PTPRN2: variants seen among roughly 807,000 people sequenced by gnomAD.
PTPRN2 encodes the protein protein tyrosine phosphatase receptor type N2.
A neutral mutation model predicts 118.8 loss-of-function variants in PTPRN2; 74 were observed. The ratio of observed to expected loss-of-function variants is 0.62; its 90% confidence interval spans 0.52 to 0.76. PTPRN2 has a LOEUF of 0.76. Ranked by LOEUF, PTPRN2 falls within the 30% of genes least tolerant of loss-of-function variation. The pLI, the probability that PTPRN2 is intolerant of heterozygous loss-of-function variation, is 0.00. For missense variants in PTPRN2, 1,481 were observed against 1,394.4 expected (o/e 1.06, Z -0.99); for synonymous variants, 641 against 608.0 (o/e 1.05, Z -0.80).
intron 3 of PTPRN2, among the ~76,000 whole-genome samples, chr7:158,295,257 T>C (rs12698202): frequency 0.15 from 459 of 3,118 alleles, 40 homozygotes; most frequent in Admixed American, 0.17. Context: ...CTGCGCCACT[T>C]TCCACGCGCA....
chr7:158,282,833 G>A (rs1362610878), intron 3 of PTPRN2, among the ~76,000 whole-genome samples: 3 of 144,532 alleles, frequency 2.1e-5, no homozygotes, highest in African/African-American at 5.2e-5. Flanking sequence ...CACAGCAGCC[G>A]GACACAGATG....
At chr7:158,162,867 C>T (rs1822488674) in intron 6 of PTPRN2, among the ~76,000 whole-genome samples, 1 of 152,210 alleles carries the variant, frequency 6.6e-6, no homozygotes, top group African/African-American at 2.4e-5. Flanking sequence ...GGTCTTCTCT[C>T]CCACTCTCTG....
At chr7:157,656,872 T>A (rs1326640145) in intron 13 of PTPRN2, among the ~76,000 whole-genome samples, 12 of 116,512 alleles carry the variant, frequency 1.0e-4, no homozygotes, top group African/African-American at 4.1e-4. Flanking sequence ...CACACATATA[T>A]ACACACATAC....
chr7:157,595,447 G>C, intron 16 of PTPRN2, 132 bp from the exon 17 acceptor site: 2 of 771,058 alleles, frequency 2.6e-6, no homozygotes, highest in Non-Finnish European at 4.2e-6. Flanking sequence ...TAAGAAACCC[G>C]GAGGTTAGGA....
chr7:157,955,613 C>G (rs1437255241), intron 11 of PTPRN2, among the ~76,000 whole-genome samples: 1 of 152,184 alleles, frequency 6.6e-6, no homozygotes, highest in South Asian at 2.1e-4. Context: ...AAGAAATGCT[C>G]TCCAGGATCA....
intron 2 of PTPRN2, among the ~76,000 whole-genome samples, chr7:158,349,779 A>C (rs113277252): frequency 6.5e-5 from 6 of 92,300 alleles, no homozygotes; most frequent in Middle Eastern, 0.01. Flanking sequence ...ACGTCACTGC[A>C]CCCCTGGGTG....
intron 1 of PTPRN2, among the ~76,000 whole-genome samples, chr7:158,533,070 C>T (rs1825373355): frequency 6.6e-6 from 1 of 152,222 alleles, no homozygotes; most frequent in South Asian, 2.1e-4. Context: ...TTCCAAGAGA[C>T]CAGCAATTAA....
chr7:158,380,922 GC>G (rs1370951483), intron 2 of PTPRN2, among the ~76,000 whole-genome samples: 1 of 152,250 alleles, frequency 6.6e-6, no homozygotes, highest in South Asian at 2.1e-4. Context: ...CTTGGGGCTT[GC>G]CCCCCTCTGA....
intron 3 of PTPRN2, among the ~76,000 whole-genome samples, chr7:158,294,039 G>A (rs1333054159): frequency 8.5e-5 from 13 of 152,206 alleles, no homozygotes; most frequent in Admixed American, 6.5e-4. Flanking sequence ...CACATGTACC[G>A]TGCACAGCTA....
rs967865469 is a variant in PTPRN2, at chr7:157,855,115, G to C, written c.1788+43558C>G. The stretch of plus-strand genomic sequence containing the variant: ...GCAGGGATGTGTGTGGGGCCGGATC[G>C]GGGAGGATGGCTGCACGGTTGCAGG... On this transcript the variant is annotated intron_variant, in intron 12 of 22. Coordinates refer to ENST00000389418, the MANE Select transcript of PTPRN2 (RefSeq NM_002847.5). 9.9e-5 allele frequency among the ~76,000 whole-genome samples: 15 copies of C among 151,116 alleles called. No homozygotes were observed. In the South Asian group the frequency reaches 3.2e-3, roughly 32 times the overall value.
chr7:158,234,053 T>C (rs1442222624), intron 3 of PTPRN2, among the ~76,000 whole-genome samples: 3 of 152,112 alleles, frequency 2.0e-5, no homozygotes, highest in Non-Finnish European at 4.4e-5. Context: ...TCCAGGACAT[T>C]GATCAGGGCA....
intron 2 of PTPRN2, among the ~76,000 whole-genome samples, chr7:158,336,815 A>T (rs1200011037): frequency 1.0e-5 from 1 of 98,814 alleles, no homozygotes; most frequent in East Asian, 3.4e-4. Flanking sequence ...CTCTCACCAT[A>T]AGAAGTGACA....
At position 158,100,003 on chromosome 7, in the gene PTPRN2, G is replaced by A. The variant is rs116175837; in HGVS notation, c.1643+10826C>T. Among the ~76,000 whole-genome samples the A allele has an allele frequency of 6.9e-3, 1,048 of 151,496 alleles. 12 individuals carry two copies. Among genetic ancestry groups the A allele is most frequent in the Middle Eastern group, 0.017 (5 of 292 alleles). ...GAGTTACATGAGTAAGTTCTCTAATGGTGATGTGTGAGATTTTGGTGCACC... is the reference window on the plus strand; with the variant it reads ...GAGTTACATGAGTAAGTTCTCTAATAGTGATGTGTGAGATTTTGGTGCACC... On this transcript the variant is annotated intron_variant, in intron 10 of 22. Coordinates refer to ENST00000389418, the MANE Select transcript of PTPRN2 (RefSeq NM_002847.5).
At chr7:157,684,667 A>T (rs1797085749) in intron 12 of PTPRN2, among the ~76,000 whole-genome samples, 1 of 135,822 alleles carries the variant, frequency 7.4e-6, no homozygotes, top group East Asian at 2.6e-4. Flanking sequence ...CGCGCGACCC[A>T]GCCCCAGAGT....
chr7:157,894,213 G>A (rs1796975929), intron 12 of PTPRN2, among the ~76,000 whole-genome samples: 1 of 152,244 alleles, frequency 6.6e-6, no homozygotes, highest in Admixed American at 6.5e-5. Flanking sequence ...AAAGCCGAGA[G>A]CACAGGAAGA....
chr7:157,634,097 G>C lies in PTPRN2; in HGVS notation c.2197-12588C>G, dbSNP rs543702130. On this transcript the variant is annotated intron_variant, in intron 14 of 22. Coordinates refer to ENST00000389418, the MANE Select transcript of PTPRN2 (RefSeq NM_002847.5). ...CGCGTCCTGCAGGCAACACGTCCTA[G>C]GATTCCCGTCTGCTCATCTGACCTG... 2.8e-5 allele frequency among the ~76,000 whole-genome samples: 4 copies of C among 144,114 alleles called. No homozygotes were observed. In the South Asian group the frequency reaches 8.3e-4, roughly 30 times the overall value. 94.5% of individuals were successfully genotyped at this position (144,114 alleles called of 152,430 possible). A position where few individuals can be genotyped will look rare whatever the true frequency, so the allele number is the denominator to read the frequency against.
chr7:157,740,876 C>T (rs577696351), intron 12 of PTPRN2, among the ~76,000 whole-genome samples: 8 of 152,302 alleles, frequency 5.3e-5, no homozygotes, highest in Admixed American at 3.3e-4. Flanking sequence ...TCTCTCTCCC[C>T]GCCTTTTTGA....
chr7:158,584,787 A>G (rs1237478469), intron 1 of PTPRN2, among the ~76,000 whole-genome samples: 1 of 152,228 alleles, frequency 6.6e-6, no homozygotes, highest in Non-Finnish European at 1.5e-5. Context: ...GACAGCAGTT[A>G]TCGACCCTGG....
intron 12 of PTPRN2, among the ~76,000 whole-genome samples, chr7:157,747,139 G>A (rs1801006004): frequency 1.4e-5 from 2 of 142,452 alleles, no homozygotes; most frequent in South Asian, 2.4e-4. Context: ...CCTGAGCTGT[G>A]GGCTGTTGAG....
Sources: gnomAD v4.1 joint callset for allele counts (sites outside exome capture counted in the v4.1 genomes callset) on GRCh38, gnomAD v4.1.1 for gene constraint, MANE v1.5 for transcripts, NCBI Gene and HGNC (gene_info 2026-07-23, HGNC 2026-07-21) for gene names.